The following RECK variants were observed in gnomAD, a reference collection of about 807,000 sequenced individuals.
The protein encoded by RECK is reversion inducing cysteine rich protein with kazal motifs.
Under a neutral mutation model 115.1 loss-of-function variants are expected in RECK, and 69 were observed. That is an observed-to-expected ratio of 0.60 (90% CI 0.49 to 0.73). The LOEUF (loss-of-function observed/expected upper bound fraction) is 0.73. Ranked by LOEUF, RECK falls within the 30% of genes least tolerant of loss-of-function variation. The pLI is 0.00. For synonymous variants in RECK, 414 were observed against 419.7 expected (o/e 0.99, Z 0.17); for missense variants, 1,047 against 1,203.7 (o/e 0.87, Z 1.93).
intron 15 of RECK, among the ~76,000 whole-genome samples, chr9:36,112,057 A>C (rs893741957): frequency 7.0e-6 from 1 of 141,932 alleles, no homozygotes; most frequent in East Asian, 2.2e-4. Flanking sequence ...TGGGAGGCAG[A>C]GCTTGCAGTG....
At chr9:36,104,336 T>A (rs1390499864) in intron 12 of RECK, among the ~76,000 whole-genome samples, 39 of 52,290 alleles carry the variant, frequency 7.5e-4, no homozygotes, top group East Asian at 3.6e-3. Flanking sequence ...ATTTTTTTTT[T>A]TTTTTTTTTT....
intron 14 of RECK, among the ~76,000 whole-genome samples, chr9:36,108,417 T>C (rs1823904666): frequency 6.6e-6 from 1 of 152,192 alleles, no homozygotes; most frequent in Non-Finnish European, 1.5e-5. Flanking sequence ...AGCTAAGTCT[T>C]GCCTTACATT....
At chr9:36,063,518 C>A (rs1045767087) in intron 4 of RECK, among the ~76,000 whole-genome samples, 1 of 152,000 alleles carries the variant, frequency 6.6e-6, no homozygotes, top group African/African-American at 2.4e-5. Context: ...ATGTTACCTA[C>A]CCAAGAGTGA....
At chr9:36,048,861 G>A (rs552421546) in intron 1 of RECK, among the ~76,000 whole-genome samples, 17 of 152,214 alleles carry the variant, frequency 1.1e-4, no homozygotes, top group African/African-American at 4.1e-4. Flanking sequence ...TACCCCGCAA[G>A]TTAAAGGGCA....
At chr9:36,083,618 A>G (rs1822823920) in intron 8 of RECK, 56 bp downstream of exon 8, 4 of 1,545,214 alleles carry the variant, frequency 2.6e-6, no homozygotes, top group Non-Finnish European at 3.5e-6. Flanking sequence ...TCGTTTGTAA[A>G]AAGAAGTGAT....
chr9:36,099,874 T>C (rs6476527), intron 10 of RECK, among the ~76,000 whole-genome samples: 84,026 of 152,012 alleles, frequency 0.55, 23,737 homozygotes, highest in East Asian at 0.7. Context: ...AACTCAACAG[T>C]GGCACAAGGG....
chr9:36,054,054 C>G (rs1165815597), intron 2 of RECK, among the ~76,000 whole-genome samples: 1 of 152,274 alleles, frequency 6.6e-6, no homozygotes, highest in South Asian at 2.1e-4. Context: ...TCGGCTAAGT[C>G]GCCATCCTGA....
intron 18 of RECK, among the ~76,000 whole-genome samples, chr9:36,120,369 G>A (rs1415945446): frequency 6.6e-6 from 1 of 152,198 alleles, no homozygotes; most frequent in Non-Finnish European, 1.5e-5. Flanking sequence ...TTGAGGCAGA[G>A]CAGGATCAGG....
chr9:36,086,489 G>A (rs1474071868), intron 8 of RECK, among the ~76,000 whole-genome samples: 2 of 152,110 alleles, frequency 1.3e-5, no homozygotes, highest in Non-Finnish European at 2.9e-5. Flanking sequence ...TGAAGGTAGT[G>A]CCGACCCAAA....
chr9:36,082,189 C>CTCTCTCTCTCTCTCTCTCTCT (rs1228719052), intron 7 of RECK, among the ~76,000 whole-genome samples: 1 of 55,492 alleles, frequency 1.8e-5, no homozygotes, highest in African/African-American at 5.3e-5. Context: ...TCTCTCTCTC[C>CTCTCTCTCTCTCTCTCTCTCT]TTTTTTCTTT....
At chr9:36,070,526 A>G (rs1310947357) in intron 6 of RECK, among the ~76,000 whole-genome samples, 1 of 151,562 alleles carries the variant, frequency 6.6e-6, no homozygotes, top group African/African-American at 2.4e-5. Context: ...AAAAAAAAAT[A>G]GAGAGTAGAG....
intron 6 of RECK, among the ~76,000 whole-genome samples, chr9:36,068,658 A>G (rs1822106223): frequency 6.6e-6 from 1 of 152,250 alleles, no homozygotes; most frequent in Non-Finnish European, 1.5e-5. Context: ...CTCAGAAGTC[A>G]GGAGACAAAT....
intron 20 of RECK, among the ~76,000 whole-genome samples, chr9:36,121,953 G>A (rs1344113553): frequency 1.3e-5 from 2 of 152,228 alleles, no homozygotes; most frequent in Non-Finnish European, 2.9e-5. Flanking sequence ...GTGACTGGGA[G>A]TGTGCACAGC....
intron 10 of RECK, among the ~76,000 whole-genome samples, chr9:36,099,263 AC>A (rs1823471572): frequency 1.4e-5 from 2 of 140,878 alleles, no homozygotes; most frequent in East Asian, 2.1e-4. Context: ...AACAACAACA[AC>A]AACAACAGTG....
chr9:36,100,639 T>G, intron 11 of RECK, 96 bp downstream of exon 11: 5 of 866,130 alleles, frequency 5.8e-6, no homozygotes, highest in Non-Finnish European at 9.0e-6. Context: ...CTCTTACCAC[T>G]TCCTTTGCCT....
chr9:36,057,593 G>A (rs7872474), intron 2 of RECK, among the ~76,000 whole-genome samples: 3,842 of 152,250 alleles, frequency 0.025, 173 homozygotes, highest in African/African-American at 0.088. Context: ...TGAGGCGGGC[G>A]GATCGCTTTG....
At chr9:36,045,742 G>GTT (rs1461068644) in intron 1 of RECK, among the ~76,000 whole-genome samples, 1 of 151,928 alleles carries the variant, frequency 6.6e-6, no homozygotes, top group Non-Finnish European at 1.5e-5. Flanking sequence ...ATTAGGGTGT[G>GTT]TATTTGTTTT....
intron 3 of RECK, 150 bp from the exon 4 acceptor site, chr9:36,059,969 A>G (rs1380734733): frequency 3.0e-6 from 2 of 656,392 alleles, no homozygotes; most frequent in Non-Finnish European, 5.3e-6. Context: ...TTCCCCCCGA[A>G]TAGCTGATTG....
intron 10 of RECK, among the ~76,000 whole-genome samples, chr9:36,096,923 T>TACAC (rs3070850): frequency 0.3 from 45,662 of 150,364 alleles, 7,426 homozygotes; most frequent in Middle Eastern, 0.46. Flanking sequence ...GGTGTGTGCA[T>TACAC]ACACACACAC....
Sources: gnomAD v4.1 joint callset for allele counts (sites outside exome capture counted in the v4.1 genomes callset) on GRCh38, gnomAD v4.1.1 for gene constraint, MANE v1.5 for transcripts, NCBI Gene and HGNC (gene_info 2026-07-23, HGNC 2026-07-21) for gene names.